Variants in GPR55 observed in about 807,000 individuals in gnomAD.
GPR55 encodes the protein G protein-coupled receptor 55.
Under a neutral mutation model 7.9 loss-of-function variants are expected in GPR55, and 6 were observed. The ratio of observed to expected loss-of-function variants is 0.76; its 90% confidence interval spans 0.41 to 1.49. GPR55 has a LOEUF of 1.49. GPR55 is among the 40% of genes most tolerant of loss of function. The probability of loss-of-function intolerance (pLI) is 0.01; values close to 1 mark genes in which losing one functional copy is unlikely to be tolerated. For missense variants in GPR55, 376 were observed against 406.0 expected (o/e 0.93, Z 0.63); for synonymous variants, 183 against 166.8 (o/e 1.10, Z -0.75).
At chr2:230,935,757 C>T (rs771555866) in intron 1 of GPR55, among the ~76,000 whole-genome samples, 2 of 152,134 alleles carry the variant, frequency 1.3e-5, no homozygotes, top group African/African-American at 2.4e-5. Flanking sequence ...TTGTCAGAAA[C>T]GCTTGGAAAA....
rs112908487 is a variant in GPR55 at position 230,933,333 on chromosome 2, C to T, written c.-134-22237G>A. On this transcript the variant is annotated intron_variant, in intron 1 of 1. Transcript: ENST00000392039. Reference sequence around the variant, plus strand: ...CCCCATCTCCCTCCCATCCGTCCACCGCATCCTCCACCTGCCCTCCGTTGG... The same window carrying T: ...CCCCATCTCCCTCCCATCCGTCCACTGCATCCTCCACCTGCCCTCCGTTGG... Among the ~76,000 whole-genome samples the T allele has an allele frequency of 6.4e-3, 980 of 152,310 alleles. 10 individuals carry two copies. The highest frequency in any genetic ancestry group is 0.021 in the African/African-American group (860 of 41,572).
rs1159597374 is a variant in GPR55 at position 230,944,622 on chromosome 2, T to C, written c.-135+16153A>G. The stretch of plus-strand genomic sequence containing the variant: ...GTCCTACAGCATGATTTGCTTTAAC[T>C]GAAGGTGAAGAGAATCTTTCAGGAG... On this transcript the variant is annotated intron_variant, in intron 1 of 1. Coordinates refer to the GPR55 transcript ENST00000392039. The surrounding 1 kb of genome is among the most constrained non-coding windows in gnomAD (Gnocchi z 4.2). Among the ~76,000 whole-genome samples the C allele has an allele frequency of 6.6e-6, 1 of 152,196 alleles. No homozygotes were observed. Among genetic ancestry groups the C allele is most frequent in the African/African-American group, 2.4e-5 (1 of 41,448 alleles).
At chr2:230,960,914 C>T (rs1288745318) in exon 1 of GPR55, 1 of 152,116 alleles carries the variant, frequency 6.6e-6, no homozygotes, top group East Asian at 1.9e-4. Flanking sequence ...GGAAGCCCCA[C>T]ATTTTCCTGG....
At chr2:230,947,950 G>T (rs563591314) in intron 1 of GPR55, among the ~76,000 whole-genome samples, 1 of 152,034 alleles carries the variant, frequency 6.6e-6, no homozygotes, top group African/African-American at 2.4e-5. Context: ...TCGGCATCCC[G>T]CCTCACCAGG....
chr2:230,951,379 G>T (rs1240627129), intron 1 of GPR55, among the ~76,000 whole-genome samples: 1 of 152,150 alleles, frequency 6.6e-6, no homozygotes, highest in African/African-American at 2.4e-5. Flanking sequence ...GAAAAACATG[G>T]TTTGGGAGTG....
At chr2:230,926,682 CTTTTTTTTTTTT>C (rs56318183), upstream of GPR55, among the ~76,000 whole-genome samples, 13 of 100,974 alleles carry the variant, frequency 1.3e-4, no homozygotes, top group Middle Eastern at 6.3e-3. Flanking sequence ...TGGCTACCTT[CTTTTTTTTTTTT>C]TTTTTTTTTT....
chr2:230,927,790 C>T (rs1460862625), upstream of GPR55, among the ~76,000 whole-genome samples: 1 of 152,250 alleles, frequency 6.6e-6, no homozygotes, highest in East Asian at 1.9e-4. Flanking sequence ...GGGCGCTCAC[C>T]ACATCCTCCC....
chr2:230,926,682 C>CTTTTTTTTTT (rs56318183), upstream of GPR55, among the ~76,000 whole-genome samples: 2 of 100,942 alleles, frequency 2.0e-5, no homozygotes, highest in African/African-American at 4.3e-5. Context: ...TGGCTACCTT[C>CTTTTTTTTTT]TTTTTTTTTT....
Position 230,924,509 on chromosome 2 carries a change from A to T in GPR55, c.-135+659T>A, listed in dbSNP as rs956945900. 2.6e-5 allele frequency: 4 copies of T among 152,258 alleles called. No individual in the cohort carries two copies. The highest frequency in any genetic ancestry group is 6.5e-5 in the Admixed American group (1 of 15,292). The allele number at this position is 152,258 out of a possible 1,614,324, so 9.4% of individuals were successfully genotyped here. Reference sequence around the variant, plus strand: ...CTCCAAGAGACACTTGGCTAGGGTTAGAGAACAATGCAGCTATAATGTAGG... The same window carrying T: ...CTCCAAGAGACACTTGGCTAGGGTTTGAGAACAATGCAGCTATAATGTAGG... On this transcript the variant is annotated intron_variant, in intron 1 of 1. Transcript: ENST00000650999. This position sits in a 1 kb window ranked among gnomAD's most constrained non-coding sequence, Gnocchi z 4.5.
intron 1 of GPR55, among the ~76,000 whole-genome samples, chr2:230,941,868 A>C (rs1174194968): frequency 6.6e-6 from 1 of 152,212 alleles, no homozygotes; most frequent in African/African-American, 2.4e-5. Flanking sequence ...TGCATCTTAC[A>C]TTGTAAGATC....
In GPR55 at chr2:230,908,130, C is replaced by G. The variant is rs1023499985; in HGVS notation, c.*1873G>C. ...GAGGAGTGTCTGGGGTTTGGGGCAGCCAGGCAGCCTTACCTCTGGGTCTGC... is the reference window on the plus strand; with the variant it reads ...GAGGAGTGTCTGGGGTTTGGGGCAGGCAGGCAGCCTTACCTCTGGGTCTGC... On this transcript the variant is annotated 3_prime_UTR_variant, in exon 2 of 2. Coordinates refer to ENST00000650999, the MANE Select transcript of GPR55 (RefSeq NM_005683.4). 6.6e-6 allele frequency: 1 copy of G among 152,614 alleles called. No individual in the cohort carries two copies. Among genetic ancestry groups the G allele is most frequent in the Non-Finnish European group, 1.5e-5 (1 of 68,440 alleles). The allele number at this position is 152,614 out of a possible 1,614,324, so 9.5% of individuals were successfully genotyped here.
chr2:230,933,604 T>A (rs1034816563), intron 1 of GPR55, among the ~76,000 whole-genome samples: 1 of 152,230 alleles, frequency 6.6e-6, no homozygotes, highest in Admixed American at 6.5e-5. Flanking sequence ...ATGTCCACCC[T>A]CAGTCCCCTT....
At chr2:230,938,111 T>A (rs1410676175) in intron 1 of GPR55, among the ~76,000 whole-genome samples, 1 of 129,360 alleles carries the variant, frequency 7.7e-6, no homozygotes, top group Non-Finnish European at 1.5e-5. Context: ...CGCACCACTG[T>A]ACTCCAGCCT....
intron 1 of GPR55, among the ~76,000 whole-genome samples, chr2:230,937,957 C>A (rs956414219): frequency 1.3e-5 from 2 of 151,696 alleles, no homozygotes; most frequent in African/African-American, 4.8e-5. Flanking sequence ...GAGTTTGAGA[C>A]CAGCCTAGGT....
chr2:230,958,910 G>A (rs886364962), intron 1 of GPR55, among the ~76,000 whole-genome samples: 7 of 151,978 alleles, frequency 4.6e-5, no homozygotes, highest in African/African-American at 1.7e-4. Context: ...TTTATTAGCC[G>A]GCATTCTTCC....
intron 1 of GPR55, among the ~76,000 whole-genome samples, chr2:230,953,876 A>C (rs1691440551): frequency 6.6e-6 from 1 of 152,186 alleles, no homozygotes; most frequent in South Asian, 2.1e-4. Context: ...GCACACGGCC[A>C]GGAGATGAAG....
At chr2:230,912,351 G>A (rs539804929) in intron 1 of GPR55, among the ~76,000 whole-genome samples, 31 of 152,290 alleles carry the variant, frequency 2.0e-4, no homozygotes, top group African/African-American at 7.0e-4. Flanking sequence ...AGATATCGAT[G>A]TATCAGGGAG....
chr2:230,912,032 C>T (rs1028872670), intron 1 of GPR55, among the ~76,000 whole-genome samples: 1 of 152,194 alleles, frequency 6.6e-6, no homozygotes, highest in African/African-American at 2.4e-5. Flanking sequence ...AACTTCCACC[C>T]TCTCCCCACT....
At chr2:230,952,473 G>A (rs1289931596) in intron 1 of GPR55, among the ~76,000 whole-genome samples, 4 of 152,062 alleles carry the variant, frequency 2.6e-5, no homozygotes, top group Non-Finnish European at 4.4e-5. Context: ...TGTGTGATCT[G>A]GGGATGGCCA....
Sources: allele counts gnomAD v4.1 joint callset (sites outside exome capture counted in the v4.1 genomes callset), GRCh38; gene constraint gnomAD v4.1.1; non-coding constraint Gnocchi (gnomAD v3.1); transcripts MANE v1.5; gene names NCBI Gene and HGNC (gene_info 2026-07-23, HGNC 2026-07-21).